The following SFSWAP variants were observed in gnomAD, a reference collection of about 807,000 sequenced individuals.
SFSWAP encodes splicing factor, suppressor of white-apricot homolog.
Under a neutral mutation model 100.7 loss-of-function variants are expected in SFSWAP, and 17 were observed. The ratio of observed to expected loss-of-function variants is 0.17; its 90% CI spans 0.12 to 0.25. SFSWAP has a LOEUF of 0.25. SFSWAP is among the 10% of genes least tolerant of loss of function. SFSWAP has a pLI of 1.00. For synonymous variants in SFSWAP, 504 were observed against 510.1 expected (o/e 0.99, Z 0.16); for missense variants, 1,005 against 1,262.6 (o/e 0.80, Z 3.09).
intron 7 of SFSWAP, among the ~76,000 whole-genome samples, chr12:131,738,321 A>AT (rs1225708349): frequency 2.6e-5 from 4 of 152,232 alleles, no homozygotes; most frequent in African/African-American, 9.6e-5. Context: ...GGATTCCACC[A>AT]TCCAGAAATA....
Position 131,753,369 on chromosome 12 carries a change from T to C in SFSWAP, c.1322+6T>C, listed in dbSNP as rs1184074892. The C allele has an allele frequency of 1.2e-6, 2 of 1,609,764 alleles. No individual in the cohort carries two copies. Among genetic ancestry groups the C allele is most frequent in the Non-Finnish European group, 1.7e-6 (2 of 1,176,872 alleles). ...TCCACAACCACCACCACAAGGTAGG[T>C]GCAGCGTCCACCGCTGCCTGCTGTG... On this transcript the variant is annotated splice_donor_region_variant and intron_variant, in intron 8 of 17. Transcript: ENST00000261674.
At position 131,756,524 on chromosome 12, in the gene SFSWAP, A is replaced by C; in HGVS notation, c.1600A>C (p.Ser534Arg). 6.2e-7 allele frequency: 1 copy of C among 1,614,054 alleles called. No homozygotes were observed. Among genetic ancestry groups the C allele is most frequent in the East Asian group, 2.2e-5 (1 of 44,888 alleles). The change falls in exon 11 of 18, where the codon AGT (serine) becomes CGT (arginine). Residue 534 changes from serine to arginine, a missense_variant. Physicochemically the swap from Ser to Arg is moderately radical, Grantham distance 110 (BLOSUM62 -1). Coordinates refer to ENST00000261674, the MANE Select transcript of SFSWAP (RefSeq NM_004592.4). ...APTDSAPEKP[S>R]DAGEDGAPED... ...CACAGACTCTGCTCCCGAGAAGCCA[A>C]GTGATGCTGGGGAGGATGGCGCGCC...
At chr12:131,726,059 A>G (rs1316529705) in intron 5 of SFSWAP, among the ~76,000 whole-genome samples, 1 of 152,176 alleles carries the variant, frequency 6.6e-6, no homozygotes, top group East Asian at 1.9e-4. Flanking sequence ...ATCTATTTTA[A>G]GCTATTATTT....
intron 7 of SFSWAP, among the ~76,000 whole-genome samples, chr12:131,739,623 G>A (rs1288131969): frequency 7.9e-6 from 1 of 125,866 alleles, no homozygotes; most frequent in Admixed American, 1.0e-4. Context: ...TCGGCTCACT[G>A]CAAGCTCTGC....
At chr12:131,789,732 A>G (rs939382476) in intron 15 of SFSWAP, among the ~76,000 whole-genome samples, 1 of 150,700 alleles carries the variant, frequency 6.6e-6, no homozygotes, top group Non-Finnish European at 1.5e-5. Context: ...CAGCTCCACT[A>G]TAGATGGTCC....
chr12:131,719,577 T>G (rs1300548589), intron 4 of SFSWAP, 38 bp downstream of exon 4: 1 of 1,460,754 alleles, frequency 6.8e-7, no homozygotes, highest in Admixed American at 1.7e-5. Flanking sequence ...TCGTCATTAT[T>G]ATTTATCATA....
intron 11 of SFSWAP, among the ~76,000 whole-genome samples, chr12:131,759,626 C>T (rs1882476680): frequency 1.3e-5 from 2 of 151,266 alleles, no homozygotes; most frequent in South Asian, 2.1e-4. Flanking sequence ...GGTGAAACCC[C>T]GTCTCTACTA....
intron 4 of SFSWAP, chr12:131,723,399 T>C (rs1055795087): frequency 1.3e-5 from 2 of 152,186 alleles, no homozygotes; most frequent in African/African-American, 2.4e-5. Context: ...CCTCTATTCC[T>C]TATGGCTTCA....
chr12:131,717,658 T>A (rs1184900308), intron 3 of SFSWAP, among the ~76,000 whole-genome samples: 1 of 152,216 alleles, frequency 6.6e-6, no homozygotes, highest in Non-Finnish European at 1.5e-5. Flanking sequence ...AAGGAGAAGC[T>A]ATTTGCCTAG....
intron 16 of SFSWAP, among the ~76,000 whole-genome samples, 183 bp downstream of exon 16, chr12:131,797,543 A>T (rs1298898862): frequency 6.6e-6 from 1 of 152,240 alleles, no homozygotes; most frequent in Non-Finnish European, 1.5e-5. Context: ...CTCACAATCC[A>T]TGAGCGCTCA....
chr12:131,762,633 C>G (rs1441454416), intron 11 of SFSWAP, among the ~76,000 whole-genome samples: 1 of 152,040 alleles, frequency 6.6e-6, no homozygotes, highest in Non-Finnish European at 1.5e-5. Context: ...ACTCTGTCAC[C>G]CAGGCTGGAG....
intron 4 of SFSWAP, among the ~76,000 whole-genome samples, chr12:131,722,541 A>G (rs1878574197): frequency 6.6e-6 from 1 of 152,192 alleles, no homozygotes; most frequent in Non-Finnish European, 1.5e-5. Flanking sequence ...GTTGTGTGCA[A>G]CGCTTATTCT....
At chr12:131,762,555 G>A (rs1882763281) in intron 11 of SFSWAP, among the ~76,000 whole-genome samples, 1 of 152,080 alleles carries the variant, frequency 6.6e-6, no homozygotes, top group African/African-American at 2.4e-5. Flanking sequence ...AAATCATTTT[G>A]TGATATATTT....
chr12:131,756,515 G>C lies in SFSWAP; in HGVS notation c.1591G>C (p.Glu531Gln). 1 of 1,614,066 alleles carries C rather than the reference G, an allele frequency of 6.2e-7. No individual in the cohort carries two copies. The highest frequency in any genetic ancestry group is 8.5e-7 in the Non-Finnish European group (1 of 1,180,028). Reference sequence around the variant, plus strand: ...AGAGGCTCCCACAGACTCTGCTCCCGAGAAGCCAAGTGATGCTGGGGAGGA... The same window carrying C: ...AGAGGCTCCCACAGACTCTGCTCCCCAGAAGCCAAGTGATGCTGGGGAGGA... ...PEEAPTDSAP[E>Q]KPSDAGEDGA... is the part of the protein sequence containing the mutation. The change falls in exon 11 of 18, where the codon GAG becomes CAG. Residue 531 changes from glutamate (E) to glutamine (Q), a missense_variant. Coordinates refer to ENST00000261674, the MANE Select transcript of SFSWAP (RefSeq NM_004592.4).
intron 14 of SFSWAP, chr12:131,783,787 AC>A (rs1884668591): frequency 3.8e-5 from 2 of 53,102 alleles, no homozygotes; most frequent in African/African-American, 9.8e-5. Context: ...TCAAAAAAAA[AC>A]ATTTTATATA....
chr12:131,746,912 G>A (rs1179888973), intron 7 of SFSWAP, among the ~76,000 whole-genome samples: 1 of 152,104 alleles, frequency 6.6e-6, no homozygotes, highest in Admixed American at 6.5e-5. Context: ...AGACCATCCT[G>A]GCTAACACGG....
rs1877654323 is a variant in SFSWAP at position 131,714,024 on chromosome 12, G to A, written c.219-47G>A. The A allele has an allele frequency of 1.3e-6, 2 of 1,505,278 alleles. No individual in the cohort carries two copies. The highest frequency in any genetic ancestry group is 1.8e-6 in the Non-Finnish European group (2 of 1,085,460). The allele number at this position is 1,505,278 out of a possible 1,614,324, so 93.2% of individuals were successfully genotyped here. ...TATAAAACATCACACACGCACACCAGTCTAGACGTTAATTTCCTTTTATTG... is the reference window on the plus strand; with the variant it reads ...TATAAAACATCACACACGCACACCAATCTAGACGTTAATTTCCTTTTATTG... On this transcript the variant is annotated intron_variant, in intron 1 of 17. Coordinates refer to ENST00000261674, the MANE Select transcript of SFSWAP (RefSeq NM_004592.4). This position sits in a 1 kb window ranked among gnomAD's most constrained non-coding sequence, Gnocchi z 6.0.
chr12:131,737,289 T>TC (rs760016514), intron 7 of SFSWAP, among the ~76,000 whole-genome samples: 1 of 152,046 alleles, frequency 6.6e-6, no homozygotes, highest in African/African-American at 2.4e-5. Flanking sequence ...TGCTTCTGTA[T>TC]CGGCACCTAA....
At chr12:131,786,950 C>T (rs1205998892) in intron 15 of SFSWAP, among the ~76,000 whole-genome samples, 1 of 152,174 alleles carries the variant, frequency 6.6e-6, no homozygotes, top group Non-Finnish European at 1.5e-5. Flanking sequence ...GCTTCCGGTC[C>T]TAAAGCCTCC....
Sources: allele counts gnomAD v4.1 joint callset (sites outside exome capture counted in the v4.1 genomes callset), GRCh38; gene constraint gnomAD v4.1.1; non-coding constraint Gnocchi (gnomAD v3.1); transcripts MANE v1.5; gene names NCBI Gene and HGNC (gene_info 2026-07-23, HGNC 2026-07-21).